CCSER2: variants seen among roughly 807,000 people sequenced by gnomAD.
The protein encoded by CCSER2 is coiled-coil serine rich protein 2.
Under a neutral mutation model 92.3 loss-of-function variants are expected in CCSER2, and 46 were observed. That is an observed-to-expected ratio of 0.50 (90% CI 0.39 to 0.64). The LOEUF (loss-of-function observed/expected upper bound fraction) is 0.64, where lower values mean the gene tolerates loss of function less well. Ranked by LOEUF, CCSER2 falls within the 30% of genes least tolerant of loss-of-function variation. The pLI, the probability that CCSER2 is intolerant of heterozygous loss-of-function variation, is 0.00. For synonymous variants in CCSER2, 433 were observed against 431.4 expected (o/e 1.00, Z -0.04); for missense variants, 1,244 against 1,238.9 (o/e 1.00, Z -0.06).
At chr10:84,506,933 T>C (rs1849087297) in intron 9 of CCSER2, among the ~76,000 whole-genome samples, 1 of 152,198 alleles carries the variant, frequency 6.6e-6, no homozygotes, top group African/African-American at 2.4e-5. Flanking sequence ...ACTTTTTAGG[T>C]ATTTGGAGTA....
chr10:84,472,995 C>T (rs1354758494), intron 8 of CCSER2: 1 of 152,138 alleles, frequency 6.6e-6, no homozygotes, highest in African/African-American at 2.4e-5. Context: ...TAATTTAGAA[C>T]TGTTCTTTTT....
At chr10:84,509,836 C>T (rs188932304) in intron 9 of CCSER2, among the ~76,000 whole-genome samples, 3 of 152,296 alleles carry the variant, frequency 2.0e-5, no homozygotes, top group African/African-American at 4.8e-5. Context: ...CATCGATTAG[C>T]GGAAAGCCTT....
At chr10:84,475,692 G>A (rs1847096385) in intron 8 of CCSER2, among the ~76,000 whole-genome samples, 1 of 152,142 alleles carries the variant, frequency 6.6e-6, no homozygotes, top group South Asian at 2.1e-4. Context: ...AATTGCAATA[G>A]GATGGAATAA....
chr10:84,441,978 G>A (rs369992832), intron 6 of CCSER2, among the ~76,000 whole-genome samples: 150 of 151,864 alleles, frequency 9.9e-4, no homozygotes, highest in Non-Finnish European at 9.6e-4. Context: ...CAAGGGTCTC[G>A]ATCTCCTGAC....
intron 1 of CCSER2, among the ~76,000 whole-genome samples, chr10:84,368,509 A>C (rs1231121732): frequency 6.6e-6 from 1 of 152,136 alleles, no homozygotes; most frequent in Admixed American, 6.6e-5. Context: ...TACTTTTGAC[A>C]TAATAACATG....
chr10:84,443,383 C>G (rs1242244456), intron 6 of CCSER2, among the ~76,000 whole-genome samples: 1 of 152,070 alleles, frequency 6.6e-6, no homozygotes, highest in Non-Finnish European at 1.5e-5. Context: ...AGCCAACAAA[C>G]ATGAAAAAAA....
intron 1 of CCSER2, among the ~76,000 whole-genome samples, chr10:84,350,859 C>T (rs1185293026): frequency 2.6e-5 from 4 of 152,172 alleles, no homozygotes; most frequent in Non-Finnish European, 4.4e-5. Flanking sequence ...CATTTATAAG[C>T]GCTTCAGCTT....
At position 84,470,399 on chromosome 10, in the gene CCSER2, CAACTT is replaced by C. The variant is rs1846717982; in HGVS notation, c.2179_2183del (p.Leu727ArgfsTer8). Reference sequence around the variant, plus strand: ...TGAAGATTTATTAAATGAAATAAAACAACTTAAAGACGAAATAAAGAAAAAAGATG... The same window carrying C: ...TGAAGATTTATTAAATGAAATAAAACAAAGACGAAATAAAGAAAAAAGATG... On this transcript the variant is annotated frameshift_variant, in exon 8 of 10. Coordinates refer to ENST00000372088, the MANE Select transcript of CCSER2 (RefSeq NM_001284240.2). LOFTEE classifies it high-confidence loss of function. 2 of 1,368,144 alleles carry C rather than the reference CAACTT, an allele frequency of 1.5e-6. No homozygotes were observed. The highest frequency in any genetic ancestry group is 2.0e-6 in the Non-Finnish European group (2 of 1,021,080). The allele number at this position is 1,368,144 out of a possible 1,614,324, so 84.8% of individuals were successfully genotyped here. A position where few individuals can be genotyped will look rare whatever the true frequency, so the allele number is the denominator to read the frequency against.
intron 4 of CCSER2, among the ~76,000 whole-genome samples, chr10:84,424,018 G>A (rs970363910): frequency 6.6e-6 from 1 of 150,794 alleles, no homozygotes; most frequent in Non-Finnish European, 1.5e-5. Context: ...TCTCCATGGC[G>A]GCTTGTGCCT....
chr10:84,378,989 T>A (rs1182910628), intron 3 of CCSER2, among the ~76,000 whole-genome samples: 2 of 152,220 alleles, frequency 1.3e-5, no homozygotes, highest in Admixed American at 1.3e-4. Flanking sequence ...ATGCTGGCTT[T>A]ATAATGAGTT....
chr10:84,509,340 C>A (rs1267067898), intron 9 of CCSER2, among the ~76,000 whole-genome samples: 1 of 152,058 alleles, frequency 6.6e-6, no homozygotes, highest in Non-Finnish European at 1.5e-5. Flanking sequence ...TATATTTAAT[C>A]CCTACTTTGT....
rs1205695020 is a variant in CCSER2, at chr10:84,372,096, A to G, written c.1044A>G (p.Val348=). Residue 348 remains valine (V), a synonymous_variant, in exon 2 of 10, where the codon GTA becomes GTG. Coordinates refer to ENST00000372088, the MANE Select transcript of CCSER2 (RefSeq NM_001284240.2). ...GNKNSPADTC[V]EEDATVLAKD... ...AAAATTCACCTGCTGACACATGTGT[A>G]GAGGAAGATGCTACAGTTTTGGCTA... 4 of 1,613,764 alleles carry G rather than the reference A, an allele frequency of 2.5e-6. No individual in the cohort carries two copies. The African/African-American group carries it at 4.0e-5, about 16-fold the overall frequency.
chr10:84,332,927 A>G (rs1843659908), intron 1 of CCSER2, among the ~76,000 whole-genome samples: 1 of 152,160 alleles, frequency 6.6e-6, no homozygotes. Context: ...TTTGTTATGT[A>G]TATATATTTG....
intron 9 of CCSER2, among the ~76,000 whole-genome samples, chr10:84,483,998 A>ATATATATAAT (rs1564711769): frequency 1.8e-5 from 1 of 55,286 alleles, no homozygotes; most frequent in African/African-American, 9.8e-5. Context: ...TATATATATA[A>ATATATATAAT]TTTTTTTTTT....
At chr10:84,468,599 T>G (rs1846592569) in intron 7 of CCSER2, among the ~76,000 whole-genome samples, 1 of 152,190 alleles carries the variant, frequency 6.6e-6, no homozygotes, top group Non-Finnish European at 1.5e-5. Flanking sequence ...GTTGATTTCA[T>G]TTTTGGGTCC....
intron 9 of CCSER2, among the ~76,000 whole-genome samples, chr10:84,495,018 G>A (rs1324793183): frequency 7.0e-6 from 1 of 142,430 alleles, no homozygotes; most frequent in Non-Finnish European, 1.5e-5. Flanking sequence ...GGTTTATTTT[G>A]GTCTTATTTT....
Position 84,372,467 on chromosome 10 carries a change from C to A in CCSER2, c.1415C>A (p.Ser472Tyr). ...KTDEWIDISV[S>Y]DRSECTKHTS... is the part of the protein sequence containing the mutation. The stretch of plus-strand genomic sequence containing the variant: ...GATGAATGGATAGATATAAGTGTCT[C>A]TGGTAAATATTACTTACCTTAAGTT... The change falls in exon 2 of 10, where the codon TCT becomes TAT. Residue 472 changes from serine (S) to tyrosine (Y), a missense_variant and splice_region_variant. Coordinates refer to ENST00000372088, the MANE Select transcript of CCSER2 (RefSeq NM_001284240.2). The A allele has an allele frequency of 6.6e-7, 1 of 1,524,594 alleles. No homozygotes were observed. Among genetic ancestry groups the A allele is most frequent in the Middle Eastern group, 1.8e-4 (1 of 5,660 alleles). 94.4% of individuals were successfully genotyped at this position (1,524,594 alleles called of 1,614,324 possible). A position where few individuals can be genotyped will look rare whatever the true frequency, so the allele number is the denominator to read the frequency against.
intron 5 of CCSER2, among the ~76,000 whole-genome samples, chr10:84,427,437 G>C (rs1843496440): frequency 6.6e-6 from 1 of 152,168 alleles, no homozygotes; most frequent in Non-Finnish European, 1.5e-5. Flanking sequence ...CTTAATATTA[G>C]AAAGGTTTGG....
At chr10:84,501,072 T>A (rs1485364643) in intron 9 of CCSER2, among the ~76,000 whole-genome samples, 1 of 152,218 alleles carries the variant, frequency 6.6e-6, no homozygotes, top group East Asian at 1.9e-4. Context: ...GTTTGTTTAC[T>A]GGAAGCAATG....
Sources: allele counts gnomAD v4.1 joint callset (sites outside exome capture counted in the v4.1 genomes callset), GRCh38; gene constraint gnomAD v4.1.1; transcripts MANE v1.5; gene names NCBI Gene and HGNC (gene_info 2026-07-23, HGNC 2026-07-21).